Variants in GUCD1 observed in about 807,000 individuals in gnomAD.
GUCD1 encodes protein GUCD1.
A neutral mutation model predicts 28.3 loss-of-function variants in GUCD1; 17 were observed. That is an observed-to-expected ratio of 0.60 (90% CI 0.41 to 0.90). The LOEUF is 0.90. Ranked by LOEUF, GUCD1 falls within the 40% of genes least tolerant of loss-of-function variation. The pLI is 0.00. For missense variants in GUCD1, 279 were observed against 305.5 expected, an observed-to-expected ratio of 0.91 and a Z score of 0.65; for synonymous variants, 129 against 123.3, an observed-to-expected ratio of 1.05 and a Z score of -0.30.
intron 1 of GUCD1, among the ~76,000 whole-genome samples, chr22:24,552,418 T>C (rs2044900598): frequency 1.3e-5 from 2 of 152,218 alleles, no homozygotes; most frequent in Admixed American, 6.5e-5. Context: ...TTCACTGTTA[T>C]TCTCAGTTGC....
At position 24,551,994 on chromosome 22, in the gene GUCD1, T is replaced by C. The variant is rs55866326; in HGVS notation, c.43+2955A>G. On this transcript the variant is annotated intron_variant, in intron 1 of 5. Coordinates refer to ENST00000435822, the MANE Select transcript of GUCD1 (RefSeq NM_001284254.2). ...ATAAAAGGGCTGGAGGAAACTAGCA[T>C]AGGCCATTTTTTTTGCCCTTCTGTT... Among the ~76,000 whole-genome samples the C allele has an allele frequency of 7.6e-3, 1,154 of 152,358 alleles. 8 individuals are homozygous for C. Among genetic ancestry groups the C allele is most frequent in the South Asian group, 0.018 (87 of 4,832 alleles).
intron 4 of GUCD1, among the ~76,000 whole-genome samples, chr22:24,545,723 C>A (rs1467489984): frequency 1.3e-5 from 2 of 150,674 alleles, no homozygotes; most frequent in Admixed American, 1.3e-4. Context: ...CCTGCCTCAG[C>A]CTCCCGAGTA....
At chr22:24,552,369 C>T (rs1382291271) in intron 1 of GUCD1, among the ~76,000 whole-genome samples, 3 of 152,178 alleles carry the variant, frequency 2.0e-5, no homozygotes, top group African/African-American at 7.2e-5. Context: ...GTTATAGAAG[C>T]ACAAATGAAC....
rs755998082 is a variant in GUCD1, at chr22:24,555,026, C to A, written c.-35G>T. The A allele has an allele frequency of 2.1e-6, 3 of 1,454,640 alleles. No individual in the cohort carries two copies. In the African/African-American group the frequency reaches 4.5e-5, roughly 22 times the overall value. 90.1% of individuals were successfully genotyped at this position (1,454,640 alleles called of 1,614,324 possible). The stretch of plus-strand genomic sequence containing the variant: ...GGCGCGGGGCGCCCATGGCCCCGGC[C>A]CAGAGCGGGCTACAGCTTCCGCTTC... On this transcript the variant is annotated 5_prime_UTR_variant, in exon 1 of 6. Transcript: ENST00000435822.
chr22:24,550,612 A>G (rs2044846609), intron 1 of GUCD1, among the ~76,000 whole-genome samples: 1 of 152,206 alleles, frequency 6.6e-6, no homozygotes, highest in Non-Finnish European at 1.5e-5. Context: ...AGCTCTGTGT[A>G]GAGCCACCCC....
chr22:24,541,648 C>A lies in GUCD1; in HGVS notation c.*1358G>T, dbSNP rs1005927994. 5 of 150,442 alleles carry A rather than the reference C, an allele frequency of 3.3e-5. No homozygotes were observed. The highest frequency in any genetic ancestry group is 3.9e-4 in the East Asian group (2 of 5,136). 9.3% of individuals were successfully genotyped at this position (150,442 alleles called of 1,614,324 possible). On this transcript the variant is annotated 3_prime_UTR_variant, in exon 6 of 6. Transcript: ENST00000435822. Reference sequence around the variant, plus strand: ...CGTCTCAAAAAAAAAAAAAAAAATCCATTTCCTTTAGTTTTTTAGGTGCAG... The same window carrying A: ...CGTCTCAAAAAAAAAAAAAAAAATCAATTTCCTTTAGTTTTTTAGGTGCAG...
rs4822506 is a variant in GUCD1, at chr22:24,548,085, C to T, written c.129-12G>A. 1,612,841 of 1,612,846 alleles carry T rather than the reference C, an allele frequency of 1. 806,418 individuals carry two copies. The highest frequency in any genetic ancestry group is 1 in the Non-Finnish European group (1,179,384 of 1,179,384). On this transcript the variant is annotated splice_polypyrimidine_tract_variant and intron_variant, in intron 2 of 5. Transcript: ENST00000435822. ...GCTGGCCCAGGTACCTGCAGGTAGA[C>T]GAGCTGGGGAGCTCAGCTTGGTCTT...
In GUCD1 at chr22:24,548,920, A is replaced by G; in HGVS notation, c.125T>C (p.Leu42Pro). 1 of 1,574,790 alleles carries G rather than the reference A, an allele frequency of 6.4e-7. No individual in the cohort carries two copies. The highest frequency in any genetic ancestry group is 8.6e-7 in the Non-Finnish European group (1 of 1,159,460). ...DCGLACSRMVLRYLGQLDDSE... is the reference protein window; with the variant it reads ...DCGLACSRMVPRYLGQLDDSE... The stretch of plus-strand genomic sequence containing the variant: ...CCCCAGCCCTGGCCCCACTCACCGC[A>G]GCACCATCCTGGAGCAGGCCAGGCC... Residue 42 changes from leucine (L) to proline (P), a missense_variant, in exon 2 of 6, where the codon CTG becomes CCG. Coordinates refer to ENST00000435822, the MANE Select transcript of GUCD1 (RefSeq NM_001284254.2).
chr22:24,545,748 C>T (rs2044708880), intron 4 of GUCD1, among the ~76,000 whole-genome samples: 1 of 150,436 alleles, frequency 6.6e-6, no homozygotes, highest in Admixed American at 6.6e-5. Flanking sequence ...GGACTACAGG[C>T]ACCCGCCACT....
Position 24,548,987 on chromosome 22 carries a change from GTTGCACAAAGTCCCCT to G in GUCD1, c.44-2_57del. On this transcript the variant is annotated splice_acceptor_variant and coding_sequence_variant, in exon 2 of 6. Transcript: ENST00000435822. LOFTEE classifies it high-confidence loss of function. ...AGCTGCTGGATGACGGGCACAGGCAGTTGCACAAAGTCCCCTGTGCAGAAACAGAGGGAGGTCACAG... is the reference window on the plus strand; with the variant it reads ...AGCTGCTGGATGACGGGCACAGGCAGGTGCAGAAACAGAGGGAGGTCACAG... 1.3e-6 allele frequency: 2 copies of G among 1,578,058 alleles called. No individual in the cohort carries two copies. The highest frequency in any genetic ancestry group is 1.7e-6 in the Non-Finnish European group (2 of 1,161,324).
chr22:24,548,454 A>G (rs1028339956), intron 2 of GUCD1, among the ~76,000 whole-genome samples: 1 of 152,192 alleles, frequency 6.6e-6, no homozygotes, highest in African/African-American at 2.4e-5. Context: ...CAGGATGTAA[A>G]ACAGATGAAG....
At chr22:24,543,174 G>T in intron 5 of GUCD1, 77 bp from the exon 6 acceptor site, 1 of 1,032,356 alleles carries the variant, frequency 9.7e-7, no homozygotes, top group African/African-American at 1.6e-5. Context: ...AGTGCCCAGG[G>T]GAGCTGAGTG....
At chr22:24,551,175 T>C (rs145240520) in intron 1 of GUCD1, among the ~76,000 whole-genome samples, 4 of 152,310 alleles carry the variant, frequency 2.6e-5, no homozygotes, top group Non-Finnish European at 4.4e-5. Flanking sequence ...GTGCTAATAA[T>C]GTGAACCTGC....
chr22:24,550,662 T>A (rs1264363259), intron 1 of GUCD1, among the ~76,000 whole-genome samples: 1 of 152,108 alleles, frequency 6.6e-6, no homozygotes, highest in African/African-American at 2.4e-5. Context: ...TCCCCTCACT[T>A]CCCTGTGTGC....
At position 24,550,546 on chromosome 22, in the gene GUCD1, A is replaced by C. The variant is rs62231934; in HGVS notation, c.44-1545T>G. ...ACTCATGACACTCATTCAGCACGTGAAAACCTTGCCCACATTGTTTCCCCA... is the reference window on the plus strand; with the variant it reads ...ACTCATGACACTCATTCAGCACGTGCAAACCTTGCCCACATTGTTTCCCCA... On this transcript the variant is annotated intron_variant, in intron 1 of 5. Coordinates refer to ENST00000435822, the MANE Select transcript of GUCD1 (RefSeq NM_001284254.2). Among the ~76,000 whole-genome samples, 1,155 of 152,304 alleles carry C rather than the reference A, an allele frequency of 7.6e-3. 7 individuals are homozygous for C. The highest frequency in any genetic ancestry group is 0.018 in the South Asian group (87 of 4,826).
Position 24,554,664 on chromosome 22 carries a change from G to A in GUCD1, c.43+285C>T, listed in dbSNP as rs558098383. Among the ~76,000 whole-genome samples, 3 of 152,350 alleles carry A rather than the reference G, an allele frequency of 2.0e-5. No homozygotes were observed. The South Asian group carries it at 6.2e-4, about 32-fold the overall frequency. ...CTCGGCCAGTTTCCTGCCCTTCCCAGCCTCAGTCCTCCACGGTTTCCCAAG... is the reference window on the plus strand; with the variant it reads ...CTCGGCCAGTTTCCTGCCCTTCCCAACCTCAGTCCTCCACGGTTTCCCAAG... On this transcript the variant is annotated intron_variant, in intron 1 of 5. Coordinates refer to ENST00000435822, the MANE Select transcript of GUCD1 (RefSeq NM_001284254.2).
upstream of GUCD1, chr22:24,555,741 G>A (rs2045045129): frequency 6.4e-7 from 1 of 1,550,654 alleles, no homozygotes; most frequent in South Asian, 1.2e-5. Context: ...CCTGTCCTTG[G>A]TGTGGGGTGC....
chr22:24,546,925 C>T lies in GUCD1; in HGVS notation c.375G>A (p.Leu125=), dbSNP rs1306111783. 6.2e-7 allele frequency: 1 copy of T among 1,613,944 alleles called. No individual in the cohort carries two copies. The highest frequency in any genetic ancestry group is 1.1e-5 in the South Asian group (1 of 91,080). ...GTTGGGGGGCTCACCATTTCTCCAC[C>T]AGCACCTTGCAGGCCTTTGCTTGTG... ...LFAQAKACKV[L]VEKCTVSVKD... Residue 125 remains leucine (L), a synonymous_variant, in exon 4 of 6, where the codon CTG becomes CTA. Transcript: ENST00000435822.
intron 1 of GUCD1, among the ~76,000 whole-genome samples, chr22:24,552,891 C>A (rs1302820666): frequency 6.6e-6 from 1 of 152,150 alleles, no homozygotes; most frequent in East Asian, 1.9e-4. Flanking sequence ...CCCTGAACTC[C>A]CAGGCTCAAG....
Sources: gnomAD v4.1 joint callset for allele counts (sites outside exome capture counted in the v4.1 genomes callset) on GRCh38, gnomAD v4.1.1 for gene constraint, MANE v1.5 for transcripts, NCBI Gene and HGNC (gene_info 2026-07-23, HGNC 2026-07-21) for gene names.